DMD: variants seen among roughly 807,000 people sequenced by gnomAD.
DMD encodes the protein mutant dystrophin.
A neutral mutation model predicts 330.1 loss-of-function variants in DMD; 63 were observed. The ratio of observed to expected loss-of-function variants is 0.19; its 90% CI spans 0.16 to 0.24. DMD has a LOEUF of 0.24. Ranked by LOEUF, DMD falls within the 10% of genes least tolerant of loss-of-function variation. The pLI is 1.00. For missense variants in DMD, 3,344 were observed against 2,684.1 expected, an observed-to-expected ratio of 1.25 and a Z score of -5.43; for synonymous variants, 1,223 against 959.8, an observed-to-expected ratio of 1.27 and a Z score of -5.07.
rs1352663215 is a variant in DMD at position 32,561,496 on chromosome X, A to G, written c.1992+4206T>C. Among the ~76,000 whole-genome samples, 6 of 112,082 alleles carry G rather than the reference A, an allele frequency of 5.4e-5. No individual in the cohort carries two copies. In the East Asian group the frequency reaches 1.7e-3, roughly 32 times the overall value. On this transcript the variant is annotated intron_variant, in intron 16 of 78. Coordinates refer to ENST00000357033, the MANE Select transcript of DMD (RefSeq NM_004006.3). Reference sequence around the variant, plus strand: ...AAAATGAATGTACAAAACGTCTGACAAATGTGGGATTATGTAAATTCTGAA... The same window carrying G: ...AAAATGAATGTACAAAACGTCTGACGAATGTGGGATTATGTAAATTCTGAA...
At chrX:33,258,186 T>G (rs1023229383) in intron 1 of DMD, among the ~76,000 whole-genome samples, 2 of 111,416 alleles carry the variant, frequency 1.8e-5, no homozygotes, top group Non-Finnish European at 1.9e-5. Flanking sequence ...AATAATAGCA[T>G]TATGGCTCAT....
chrX:31,710,523 T>G (rs2084549362), intron 52 of DMD, among the ~76,000 whole-genome samples: 1 of 111,867 alleles, frequency 8.9e-6, no homozygotes, highest in Non-Finnish European at 1.9e-5. Flanking sequence ...CCTTTCATAA[T>G]GCTTTATTAC....
At chrX:33,237,152 G>A (rs1031467733) in intron 1 of DMD, among the ~76,000 whole-genome samples, 5 of 107,501 alleles carry the variant, frequency 4.7e-5, no homozygotes, top group East Asian at 2.9e-4. Flanking sequence ...TAAAACGCAC[G>A]CCATTGGTTT....
At chrX:31,851,844 A>G (rs1031667601) in intron 48 of DMD, among the ~76,000 whole-genome samples, 1 of 111,681 alleles carries the variant, frequency 9.0e-6, no homozygotes, top group African/African-American at 3.3e-5. Context: ...GAGAGTTTAG[A>G]AAGTGCCTGC....
chrX:31,537,570 T>G (rs1008354440), intron 55 of DMD, among the ~76,000 whole-genome samples: 6 of 112,247 alleles, frequency 5.3e-5, no homozygotes, highest in Non-Finnish European at 7.5e-5. Flanking sequence ...CTGGACAATT[T>G]CAATAGTGTG....
chrX:32,253,911 C>T (rs2097288057), intron 43 of DMD, among the ~76,000 whole-genome samples: 1 of 111,817 alleles, frequency 8.9e-6, no homozygotes, highest in Non-Finnish European at 1.9e-5. Context: ...CGTGAGCCAC[C>T]ACGCCTGGTC....
chrX:31,162,356 T>C (rs1306142942), intron 74 of DMD, among the ~76,000 whole-genome samples: 1 of 50,608 alleles, frequency 2.0e-5, no homozygotes, highest in Non-Finnish European at 3.7e-5. Context: ...ATGAAAAATC[T>C]AAAAAAAAAA....
chrX:31,443,024 T>A (rs1361724493), intron 60 of DMD, among the ~76,000 whole-genome samples: 1 of 111,328 alleles, frequency 9.0e-6, no homozygotes, highest in Non-Finnish European at 1.9e-5. Flanking sequence ...ATCACACCCC[T>A]AAATGGACTG....
At chrX:31,615,957 A>T (rs1304340138) in intron 55 of DMD, among the ~76,000 whole-genome samples, 5 of 112,014 alleles carry the variant, frequency 4.5e-5, no homozygotes, top group Non-Finnish European at 9.4e-5. Context: ...TGTGCCAGAA[A>T]CTGTTCCATG....
Position 32,961,417 on chromosome X carries a change from C to A in DMD, c.93+58722G>T, listed in dbSNP as rs752672821. Among the ~76,000 whole-genome samples, 375 of 110,605 alleles carry A rather than the reference C, an allele frequency of 3.4e-3. 3 individuals are homozygous for A. Among genetic ancestry groups the A allele is most frequent in the African/African-American group, 0.012 (364 of 30,524 alleles). On this transcript the variant is annotated intron_variant, in intron 2 of 78. Coordinates refer to ENST00000357033, the MANE Select transcript of DMD (RefSeq NM_004006.3). ...AATCATACATTTTACATTTAATATA[C>A]ACTCATTGCAAATACATTTAAAAAT...
intron 43 of DMD, among the ~76,000 whole-genome samples, chrX:32,263,600 G>A (rs141519124): frequency 0.059 from 6,555 of 111,860 alleles, 200 homozygotes; most frequent in Non-Finnish European, 0.09. Flanking sequence ...CGAAATAGCC[G>A]TGACAATTCT....
chrX:32,824,482 G>A (rs939700193), intron 4 of DMD, among the ~76,000 whole-genome samples: 1 of 111,734 alleles, frequency 8.9e-6, no homozygotes, highest in South Asian at 3.7e-4. Context: ...TGCTAAGTGG[G>A]GAAAAAGTCA....
intron 55 of DMD, among the ~76,000 whole-genome samples, chrX:31,621,212 C>G (rs1476865884): frequency 9.0e-6 from 1 of 111,598 alleles, no homozygotes; most frequent in Non-Finnish European, 1.9e-5. Flanking sequence ...CTCATTTTAC[C>G]TCACATTTTC....
At chrX:31,864,265 C>A (rs997962506) in intron 48 of DMD, among the ~76,000 whole-genome samples, 1 of 110,988 alleles carries the variant, frequency 9.0e-6, no homozygotes, top group Non-Finnish European at 1.9e-5. Context: ...AGAAAGGGAA[C>A]AGTAAAAGTC....
At chrX:32,670,057 C>T (rs1167611886) in intron 9 of DMD, among the ~76,000 whole-genome samples, 1 of 111,853 alleles carries the variant, frequency 8.9e-6, no homozygotes, top group Non-Finnish European at 1.9e-5. Flanking sequence ...TCATACTTGA[C>T]TATCAAGGCT....
chrX:31,341,675 G>A (rs149804684), intron 61 of DMD, among the ~76,000 whole-genome samples: 2,237 of 111,163 alleles, frequency 0.02, 58 homozygotes, highest in African/African-American at 0.068. Context: ...AGTGTGATGT[G>A]TGGCTTGGAT....
At chrX:33,333,902 AAAGT>A (rs1269619579) in intron 1 of DMD, among the ~76,000 whole-genome samples, 2 of 111,212 alleles carry the variant, frequency 1.8e-5, no homozygotes, top group Non-Finnish European at 3.8e-5. Context: ...TAATGTTATA[AAAGT>A]AAGTCTCTAA....
At chrX:31,840,169 A>G (rs930447090) in intron 48 of DMD, among the ~76,000 whole-genome samples, 3 of 111,778 alleles carry the variant, frequency 2.7e-5, no homozygotes, top group African/African-American at 9.7e-5. Flanking sequence ...TTTTCATAGT[A>G]TTTATACATT....
At chrX:31,269,845 T>A (rs1167103536) in intron 62 of DMD, among the ~76,000 whole-genome samples, 3 of 111,885 alleles carry the variant, frequency 2.7e-5, no homozygotes, top group African/African-American at 9.7e-5. Flanking sequence ...CCCATCCATC[T>A]CTATTCTTTG....
Sources: allele counts gnomAD v4.1 joint callset (sites outside exome capture counted in the v4.1 genomes callset), GRCh38; gene constraint gnomAD v4.1.1; transcripts MANE v1.5; gene names NCBI Gene and HGNC (gene_info 2026-07-23, HGNC 2026-07-21).